The following ABCB5 variants were observed in gnomAD, a reference collection of about 807,000 sequenced individuals.
ABCB5 encodes ATP binding cassette subfamily B member 5.
A neutral mutation model predicts 144.2 loss-of-function variants in ABCB5; 155 were observed. That is an observed-to-expected ratio of 1.08 (90% CI 0.94 to 1.23). The LOEUF is 1.23. ABCB5 is among the 50% of genes most tolerant of loss of function. The pLI is 0.00. For synonymous variants in ABCB5, 610 were observed against 528.6 expected (o/e 1.15, Z -2.11); for missense variants, 1,830 against 1,520.8 (o/e 1.20, Z -3.38).
chr7:20,702,902 T>G (rs1405929250), intron 19 of ABCB5, among the ~76,000 whole-genome samples: 1 of 149,970 alleles, frequency 6.7e-6, no homozygotes, highest in Non-Finnish European at 1.5e-5. Flanking sequence ...GGTCTCGATC[T>G]CCTGACCTCG....
intron 13 of ABCB5, among the ~76,000 whole-genome samples, chr7:20,656,906 CTTTTTCTTTTT>C (rs1784814182): frequency 1.5e-5 from 2 of 135,734 alleles, no homozygotes; most frequent in Admixed American, 7.5e-5. Context: ...TTTCTTTTTC[CTTTTTCTTTTT>C]TTTTTTTTTT....
intron 15 of ABCB5, among the ~76,000 whole-genome samples, chr7:20,684,499 A>G (rs1785927853): frequency 6.6e-6 from 1 of 152,200 alleles, no homozygotes; most frequent in Non-Finnish European, 1.5e-5. Flanking sequence ...GGTTCCTGTA[A>G]TCCCAGCTAC....
At chr7:20,735,757 G>A (rs1413825310) in intron 23 of ABCB5, among the ~76,000 whole-genome samples, 1 of 152,160 alleles carries the variant, frequency 6.6e-6, no homozygotes, top group East Asian at 1.9e-4. Flanking sequence ...CCACTGCAAG[G>A]AAGACCATGT....
intron 5 of ABCB5, among the ~76,000 whole-genome samples, chr7:20,641,360 C>G (rs1784291678): frequency 6.6e-6 from 1 of 151,868 alleles, no homozygotes; most frequent in Admixed American, 6.6e-5. Context: ...AAAACACACA[C>G]ACACACACAC....
At chr7:20,743,365 G>A (rs1279543089) in intron 25 of ABCB5, among the ~76,000 whole-genome samples, 1 of 152,064 alleles carries the variant, frequency 6.6e-6, no homozygotes, top group Non-Finnish European at 1.5e-5. Flanking sequence ...CTGGAGATCT[G>A]GTCTAATGTT....
chr7:20,646,937 G>A (rs956812248), intron 9 of ABCB5, among the ~76,000 whole-genome samples: 2 of 152,142 alleles, frequency 1.3e-5, no homozygotes, highest in Non-Finnish European at 2.9e-5. Flanking sequence ...TTTATGTGTG[G>A]CTGGGTATCT....
intron 1 of ABCB5, among the ~76,000 whole-genome samples, chr7:20,621,735 G>A (rs1183484984): frequency 6.6e-6 from 1 of 152,122 alleles, no homozygotes; most frequent in Non-Finnish European, 1.5e-5. Flanking sequence ...AGAGAAGGAG[G>A]TGATTTTTAG....
chr7:20,744,236 T>C (rs909877659), intron 25 of ABCB5, among the ~76,000 whole-genome samples: 6 of 151,924 alleles, frequency 3.9e-5, no homozygotes, highest in Non-Finnish European at 5.9e-5. Context: ...TCCAGTTAGT[T>C]TTTGTATTTT....
intron 4 of ABCB5, among the ~76,000 whole-genome samples, chr7:20,631,271 G>A (rs1784031622): frequency 6.6e-6 from 1 of 152,046 alleles, no homozygotes; most frequent in Admixed American, 6.6e-5. Context: ...TCTGCCACAT[G>A]AATTTTGGTA....
intron 14 of ABCB5, among the ~76,000 whole-genome samples, chr7:20,669,938 T>C (rs2128035281): frequency 6.6e-6 from 1 of 152,236 alleles, no homozygotes; most frequent in East Asian, 1.9e-4. Context: ...AGACCCAGAA[T>C]AGAATTCAAA....
chr7:20,622,437 T>C (rs955860435), intron 1 of ABCB5, among the ~76,000 whole-genome samples: 1 of 152,124 alleles, frequency 6.6e-6, no homozygotes, highest in Non-Finnish European at 1.5e-5. Flanking sequence ...CTAAAAGCAG[T>C]TCTGATCCAC....
chr7:20,638,230 T>G (rs1784207884), intron 5 of ABCB5, among the ~76,000 whole-genome samples: 1 of 152,192 alleles, frequency 6.6e-6, no homozygotes, highest in South Asian at 2.1e-4. Context: ...GACAATTAAA[T>G]CACTTATACA....
At chr7:20,722,306 T>C (rs1781893201) in intron 20 of ABCB5, among the ~76,000 whole-genome samples, 1 of 152,204 alleles carries the variant, frequency 6.6e-6, no homozygotes, top group Non-Finnish European at 1.5e-5. Context: ...TACCTATCAT[T>C]GAGAAGACAA....
At chr7:20,721,565 A>T (rs1781869490) in intron 20 of ABCB5, among the ~76,000 whole-genome samples, 1 of 152,018 alleles carries the variant, frequency 6.6e-6, no homozygotes, top group South Asian at 2.1e-4. Context: ...TTTCCTGTCC[A>T]TGTTGGTTTC....
chr7:20,697,537 G>A (rs940551832), intron 16 of ABCB5, among the ~76,000 whole-genome samples: 27 of 152,152 alleles, frequency 1.8e-4, no homozygotes, highest in African/African-American at 6.5e-4. Flanking sequence ...AAGAGAGATC[G>A]TTATCGTATT....
intron 14 of ABCB5, among the ~76,000 whole-genome samples, chr7:20,668,963 C>CGGGAGGGA (rs1785346177): frequency 1.9e-5 from 2 of 106,698 alleles, no homozygotes; most frequent in East Asian, 4.1e-4. Context: ...CCGCCCCGTC[C>CGGGAGGGA]GGGAGGGAGG....
At position 20,659,383 on chromosome 7, in the gene ABCB5, G is replaced by T. The variant is rs1000783816; in HGVS notation, c.1707+707G>T. ...CATTTTACTTTGCATTTGCTTGGAA[G>T]TGAGTTAAGCGTTTTTTTTTCTCTA... On this transcript the variant is annotated intron_variant, in intron 14 of 27. Transcript: ENST00000404938. 2.4e-5 allele frequency: 29 copies of T among 1,230,942 alleles called. No homozygotes were observed. The African/African-American group carries it at 4.7e-4, about 20-fold the overall frequency. The allele number at this position is 1,230,942 out of a possible 1,614,324, so 76.3% of individuals were successfully genotyped here.
At chr7:20,655,333 T>C (rs2078905) in intron 13 of ABCB5, among the ~76,000 whole-genome samples, 54,866 of 151,726 alleles carry the variant, frequency 0.36, 10,711 homozygotes, top group African/African-American at 0.51. Context: ...ATTAGCTGGG[T>C]GTGGTGGTGC....
At position 20,732,947 on chromosome 7, in the gene ABCB5, T is replaced by C. The variant is rs10231101; in HGVS notation, c.2867+4492T>C. 8.6e-3 allele frequency among the ~76,000 whole-genome samples: 1,303 copies of C among 152,312 alleles called. 19 individuals carry two copies. Among genetic ancestry groups the C allele is most frequent in the African/African-American group, 0.03 (1,244 of 41,560 alleles). ...CAACCATTCCATTACTTATGAAAAT[T>C]GCTATAACGGCAAATCTTGATTGAA... On this transcript the variant is annotated intron_variant, in intron 23 of 27. Coordinates refer to ENST00000404938, the MANE Select transcript of ABCB5 (RefSeq NM_001163941.2).
Sources: gnomAD v4.1 joint callset for allele counts (sites outside exome capture counted in the v4.1 genomes callset) on GRCh38, gnomAD v4.1.1 for gene constraint, MANE v1.5 for transcripts, NCBI Gene and HGNC (gene_info 2026-07-23, HGNC 2026-07-21) for gene names.